The following ZMYM4 variants were observed in gnomAD, a reference collection of about 807,000 sequenced individuals.
ZMYM4 encodes the protein zinc finger MYM-type protein 4.
A neutral mutation model predicts 183.2 loss-of-function variants in ZMYM4; 31 were observed. The observed-to-expected ratio is 0.17, with a 90% CI of 0.13 to 0.23. ZMYM4 has a LOEUF of 0.23. Ranked by LOEUF, ZMYM4 falls within the 10% of genes least tolerant of loss-of-function variation. The pLI, the probability that ZMYM4 is intolerant of heterozygous loss-of-function variation, is 1.00. For synonymous variants in ZMYM4, 592 were observed against 631.2 expected, an observed-to-expected ratio of 0.94 and a Z score of 0.93; for missense variants, 1,273 against 1,840.3, an observed-to-expected ratio of 0.69 and a Z score of 5.64.
Position 35,285,999 on chromosome 1 carries a change from T to C in ZMYM4, c.39+16914T>C, listed in dbSNP as rs564980732. On this transcript the variant is annotated intron_variant, in intron 1 of 29. Coordinates refer to ENST00000314607, the MANE Select transcript of ZMYM4 (RefSeq NM_005095.3). ...GATGAGGAACAAGATGAGGATGCCT[T>C]CTTTCACCATGTCTATTCAGTGTAG... Among the ~76,000 whole-genome samples the C allele has an allele frequency of 7.9e-5, 12 of 152,324 alleles. No homozygotes were observed. The South Asian group carries it at 2.3e-3, about 29-fold the overall frequency.
chr1:35,387,299 G>T, intron 12 of ZMYM4, 21 bp downstream of exon 12: 1 of 1,608,208 alleles, frequency 6.2e-7, no homozygotes, highest in South Asian at 1.1e-5. Flanking sequence ...GCATGTTCAT[G>T]ATAAGATTTT....
chr1:35,350,954 T>C (rs1293236357), intron 2 of ZMYM4: 27 of 685,354 alleles, frequency 3.9e-5, no homozygotes, highest in South Asian at 3.5e-4. Flanking sequence ...GTGCGGCATA[T>C]GCATATGAAC....
chr1:35,344,520 C>T (rs2148868070), intron 2 of ZMYM4, among the ~76,000 whole-genome samples: 1 of 151,390 alleles, frequency 6.6e-6, no homozygotes, highest in African/African-American at 2.4e-5. Context: ...ACCTTCTTTT[C>T]TCTTTTTAGT....
chr1:35,269,110 G>A (rs758789793), intron 1 of ZMYM4, 25 bp downstream of exon 1: 3 of 1,545,518 alleles, frequency 1.9e-6, no homozygotes, highest in Non-Finnish European at 2.6e-6. Context: ...GCAGAACTCG[G>A]GCGGCGGGGG....
chr1:35,288,042 A>G (rs1283685396), intron 1 of ZMYM4, among the ~76,000 whole-genome samples: 2 of 152,258 alleles, frequency 1.3e-5, no homozygotes, highest in East Asian at 1.9e-4. Flanking sequence ...TAGTCACCCA[A>G]GTTAGAAATC....
intron 1 of ZMYM4, among the ~76,000 whole-genome samples, chr1:35,302,637 G>A (rs1199183983): frequency 3.3e-5 from 5 of 151,748 alleles, no homozygotes; most frequent in East Asian, 1.9e-4. Flanking sequence ...CGCCCTCCTC[G>A]GCCTTCCAAA....
Position 35,399,591 on chromosome 1 carries a change from A to G in ZMYM4, c.3528+15A>G, listed in dbSNP as rs772163795. The G allele has an allele frequency of 1.9e-6, 3 of 1,613,806 alleles. No individual in the cohort carries two copies. Among genetic ancestry groups the G allele is most frequent in the Middle Eastern group, 3.3e-4 (2 of 6,062 alleles). ...CCAGACGAAGAGTAAGCTGCAGCTT[A>G]ACTTTTCTAGACTTTTCTTTCCTTC... On this transcript the variant is annotated intron_variant, in intron 23 of 29. Transcript: ENST00000314607.
At chr1:35,375,756 G>A (rs1644320795) in intron 7 of ZMYM4, among the ~76,000 whole-genome samples, 1 of 152,148 alleles carries the variant, frequency 6.6e-6, no homozygotes, top group South Asian at 2.1e-4. Flanking sequence ...TTTCCTTAAT[G>A]ATAGGGACCT....
chr1:35,375,412 A>G (rs1431077543), intron 7 of ZMYM4, among the ~76,000 whole-genome samples: 5 of 152,214 alleles, frequency 3.3e-5, no homozygotes, highest in Non-Finnish European at 7.3e-5. Flanking sequence ...AAAGAAGGTA[A>G]AAGATTTGCT....
chr1:35,315,216 T>C (rs1289348529), intron 1 of ZMYM4, among the ~76,000 whole-genome samples: 1 of 152,106 alleles, frequency 6.6e-6, no homozygotes, highest in Non-Finnish European at 1.5e-5. Context: ...TAATGTAAAT[T>C]TAACACTCAA....
intron 1 of ZMYM4, among the ~76,000 whole-genome samples, chr1:35,314,331 C>T (rs1423237964): frequency 1.3e-5 from 2 of 151,986 alleles, no homozygotes; most frequent in African/African-American, 2.4e-5. Flanking sequence ...GTCTCCCAGG[C>T]TGGAGTGCAG....
chr1:35,303,978 A>C (rs1641408336), intron 1 of ZMYM4, among the ~76,000 whole-genome samples: 1 of 151,220 alleles, frequency 6.6e-6, no homozygotes, highest in Non-Finnish European at 1.5e-5. Flanking sequence ...AGTTCAAAAT[A>C]TTTACTGAGT....
chr1:35,408,637 G>A (rs1473897841), intron 26 of ZMYM4, among the ~76,000 whole-genome samples: 6 of 152,072 alleles, frequency 3.9e-5, no homozygotes, highest in East Asian at 1.9e-4. Context: ...CTCAGGAGAC[G>A]GAGGCAGGAG....
At chr1:35,354,489 G>GC (rs1006686724) in intron 2 of ZMYM4, among the ~76,000 whole-genome samples, 6 of 152,108 alleles carry the variant, frequency 3.9e-5, no homozygotes, top group African/African-American at 1.4e-4. Context: ...ACTTTGGGAG[G>GC]CCAAGGCGGG....
chr1:35,398,324 A>G (rs918729743), intron 20 of ZMYM4, 89 bp from the exon 21 acceptor site: 3 of 1,092,148 alleles, frequency 2.7e-6, no homozygotes, highest in African/African-American at 1.6e-5. Context: ...ACTTTGTAGT[A>G]TGATTGATGT....
chr1:35,278,608 G>A (rs796162324), intron 1 of ZMYM4, among the ~76,000 whole-genome samples: 11 of 152,050 alleles, frequency 7.2e-5, no homozygotes, highest in African/African-American at 2.4e-4. Context: ...TGTATTTTTA[G>A]TGGAGACGGG....
intron 5 of ZMYM4, among the ~76,000 whole-genome samples, chr1:35,362,391 G>A (rs1244711566): frequency 6.6e-6 from 1 of 152,214 alleles, no homozygotes; most frequent in African/African-American, 2.4e-5. Flanking sequence ...TCTTAAAACT[G>A]TGAGGTCCTG....
chr1:35,285,715 A>G (rs1436613533), intron 1 of ZMYM4, among the ~76,000 whole-genome samples: 1 of 152,208 alleles, frequency 6.6e-6, no homozygotes, highest in East Asian at 1.9e-4. Context: ...AATACTATAT[A>G]TAAGGGACTT....
At chr1:35,341,684 T>C (rs1376848872) in intron 2 of ZMYM4, among the ~76,000 whole-genome samples, 2 of 152,060 alleles carry the variant, frequency 1.3e-5, no homozygotes, top group Non-Finnish European at 2.9e-5. Flanking sequence ...TTTTCCAGCT[T>C]CTTCACATTA....
Sources: allele counts gnomAD v4.1 joint callset (sites outside exome capture counted in the v4.1 genomes callset), GRCh38; gene constraint gnomAD v4.1.1; transcripts MANE v1.5; gene names NCBI Gene and HGNC (gene_info 2026-07-23, HGNC 2026-07-21).